DIAPH3: variants seen among roughly 807,000 people sequenced by gnomAD.
DIAPH3 encodes diaphanous related formin 3.
Under a neutral mutation model 144.3 loss-of-function variants are expected in DIAPH3, and 117 were observed. That is an observed-to-expected ratio of 0.81 (90% CI 0.70 to 0.95). The LOEUF (loss-of-function observed/expected upper bound fraction) is 0.95. DIAPH3 is among the 40% of genes least tolerant of loss of function. DIAPH3 has a pLI of 0.00. For missense variants in DIAPH3, 1,421 were observed against 1,412.7 expected, an observed-to-expected ratio of 1.01 and a Z score of -0.09; for synonymous variants, 519 against 488.9, an observed-to-expected ratio of 1.06 and a Z score of -0.81.
At chr13:59,821,558 G>A (rs2041077043) in intron 24 of DIAPH3, among the ~76,000 whole-genome samples, 1 of 152,010 alleles carries the variant, frequency 6.6e-6, no homozygotes, top group Non-Finnish European at 1.5e-5. Flanking sequence ...CTACTTTTCA[G>A]TTTTCCATTA....
At chr13:59,887,133 T>A (rs926045505) in intron 20 of DIAPH3, among the ~76,000 whole-genome samples, 1 of 152,082 alleles carries the variant, frequency 6.6e-6, no homozygotes, top group African/African-American at 2.4e-5. Flanking sequence ...TGCGTCTTAT[T>A]TCGCATGTAT....
At chr13:60,099,803 T>C (rs1050155481) in intron 3 of DIAPH3, among the ~76,000 whole-genome samples, 2 of 152,000 alleles carry the variant, frequency 1.3e-5, no homozygotes, top group Admixed American at 6.6e-5. Flanking sequence ...AGAAGTACAA[T>C]ACTTGGAAAG....
At chr13:59,808,909 C>A (rs548420436) in intron 25 of DIAPH3, among the ~76,000 whole-genome samples, 7 of 152,002 alleles carry the variant, frequency 4.6e-5, no homozygotes, top group African/African-American at 1.2e-4. Flanking sequence ...TGGGTAACAG[C>A]CTTTTGATCT....
chr13:59,992,136 A>G lies in DIAPH3; in HGVS notation c.1176T>C (p.Phe392=), dbSNP rs771830511. 3.1e-6 allele frequency: 5 copies of G among 1,612,020 alleles called. No individual in the cohort carries two copies. In the Admixed American group the frequency reaches 6.7e-5, roughly 22 times the overall value. ...ACAAATCTTCTTCTTTATGCTCATCAAAGACTTTAAGTTGGATATCCAGGC... is the reference window on the plus strand; with the variant it reads ...ACAAATCTTCTTCTTTATGCTCATCGAAGACTTTAAGTTGGATATCCAGGC... ...NDGLDIQLKV[F]DEHKEEDLFE... Residue 392 remains phenylalanine (F), a synonymous_variant, in exon 11 of 28, where the codon TTT becomes TTC. Coordinates refer to ENST00000400324, the MANE Select transcript of DIAPH3 (RefSeq NM_001042517.2).
intron 4 of DIAPH3, among the ~76,000 whole-genome samples, chr13:60,049,484 T>C (rs1351974923): frequency 3.3e-5 from 5 of 152,258 alleles, no homozygotes; most frequent in African/African-American, 1.2e-4. Context: ...TCCGCCCTTA[T>C]CCAAACCCTC....
At chr13:59,895,839 T>G (rs1201486665) in intron 20 of DIAPH3, among the ~76,000 whole-genome samples, 2 of 152,164 alleles carry the variant, frequency 1.3e-5, no homozygotes, top group African/African-American at 4.8e-5. Context: ...ATTCTAGAAG[T>G]GTACACATTC....
At chr13:59,833,320 G>A in intron 23 of DIAPH3, 49 bp from the exon 24 acceptor site, 1 of 1,459,838 alleles carries the variant, frequency 6.9e-7, no homozygotes, top group African/African-American at 1.4e-5. Flanking sequence ...ATGCTTTGGG[G>A]GCAGGGGGAA....
chr13:60,057,010 G>A lies in DIAPH3; in HGVS notation c.496-14190C>T, dbSNP rs551432291. Among the ~76,000 whole-genome samples the A allele has an allele frequency of 7.2e-5, 11 of 151,956 alleles. No homozygotes were observed. In the East Asian group the frequency reaches 2.1e-3, roughly 29 times the overall value. ...CTAAGAACTTGAACAAGGCAAGGATGCTCACTTTCACCACTTCCATTCAAC... is the reference window on the plus strand; with the variant it reads ...CTAAGAACTTGAACAAGGCAAGGATACTCACTTTCACCACTTCCATTCAAC... On this transcript the variant is annotated intron_variant, in intron 4 of 27. Coordinates refer to ENST00000400324, the MANE Select transcript of DIAPH3 (RefSeq NM_001042517.2).
At chr13:59,847,849 C>T (rs943955299) in intron 22 of DIAPH3, among the ~76,000 whole-genome samples, 3 of 152,144 alleles carry the variant, frequency 2.0e-5, no homozygotes. Flanking sequence ...TTTTCTCAAG[C>T]CTAGATCCTT....
chr13:60,007,341 G>A (rs868548834), intron 9 of DIAPH3, among the ~76,000 whole-genome samples: 13 of 152,112 alleles, frequency 8.5e-5, no homozygotes, highest in East Asian at 1.9e-4. Flanking sequence ...ATGAGCCACC[G>A]CGCCCAGCCT....
intron 3 of DIAPH3, among the ~76,000 whole-genome samples, chr13:60,099,630 T>C (rs960996398): frequency 1.3e-5 from 2 of 152,160 alleles, no homozygotes; most frequent in Non-Finnish European, 2.9e-5. Flanking sequence ...GAAAAATCGT[T>C]AAATCGAACC....
intron 27 of DIAPH3, among the ~76,000 whole-genome samples, chr13:59,741,937 T>C (rs1163268235): frequency 3.9e-5 from 6 of 152,114 alleles, no homozygotes; most frequent in Non-Finnish European, 1.5e-5. Flanking sequence ...ATGCTGCTAA[T>C]AAAGACATAC....
intron 27 of DIAPH3, among the ~76,000 whole-genome samples, chr13:59,693,830 T>C (rs1490477835): frequency 1.3e-5 from 2 of 152,180 alleles, no homozygotes; most frequent in Non-Finnish European, 2.9e-5. Flanking sequence ...ATGATCCTTA[T>C]AATCCTCATT....
chr13:59,798,921 G>C (rs1261247202), intron 25 of DIAPH3, among the ~76,000 whole-genome samples: 1 of 152,124 alleles, frequency 6.6e-6, no homozygotes, highest in African/African-American at 2.4e-5. Flanking sequence ...TTGAGAATGG[G>C]CTAAGGAAAC....
At chr13:59,738,037 G>A (rs2036248469) in intron 27 of DIAPH3, among the ~76,000 whole-genome samples, 1 of 151,890 alleles carries the variant, frequency 6.6e-6, no homozygotes, top group Non-Finnish European at 1.5e-5. Flanking sequence ...CATGGTGGTG[G>A]GCACCTGTAA....
intron 4 of DIAPH3, among the ~76,000 whole-genome samples, chr13:60,054,210 G>A (rs1308179687): frequency 6.6e-6 from 1 of 151,764 alleles, no homozygotes; most frequent in Non-Finnish European, 1.5e-5. Flanking sequence ...TTTTTAACAT[G>A]AAGGCCCATA....
chr13:59,857,083 A>G (rs1566422835), intron 22 of DIAPH3, among the ~76,000 whole-genome samples: 1 of 152,200 alleles, frequency 6.6e-6, no homozygotes, highest in Non-Finnish European at 1.5e-5. Flanking sequence ...AAATGCAATT[A>G]AACTAATAAC....
chr13:59,923,003 G>C (rs1022042877), intron 18 of DIAPH3, among the ~76,000 whole-genome samples: 2 of 152,098 alleles, frequency 1.3e-5, no homozygotes, highest in African/African-American at 4.8e-5. Flanking sequence ...ATACCCACCT[G>C]GTGGGGTTGT....
At chr13:60,015,869 T>C in intron 7 of DIAPH3, 44 bp downstream of exon 7, 2 of 1,526,268 alleles carry the variant, frequency 1.3e-6, no homozygotes, top group African/African-American at 1.4e-5. Context: ...AATCATATAT[T>C]ACAAAATTGG....
Sources: allele counts gnomAD v4.1 joint callset (sites outside exome capture counted in the v4.1 genomes callset), GRCh38; gene constraint gnomAD v4.1.1; transcripts MANE v1.5; gene names NCBI Gene and HGNC (gene_info 2026-07-23, HGNC 2026-07-21).